SLC35D4: variants seen among roughly 807,000 people sequenced by gnomAD.
The protein encoded by SLC35D4 is UDP-N-acetylglucosamine transporter SLC35D4.
At chr18:23,352,833 G>C in the SLC35D4 span, among the ~76,000 whole-genome samples, 1 of 152,230 alleles carries the variant, frequency 6.6e-6, no homozygotes, top group Non-Finnish European at 1.5e-5. Context: ...TTTGGAAATG[G>C]TGCCTACACA....
At chr18:23,327,936 G>C in the SLC35D4 span, among the ~76,000 whole-genome samples, 1 of 152,156 alleles carries the variant, frequency 6.6e-6, no homozygotes, top group Admixed American at 6.5e-5. Flanking sequence ...CACATGAACA[G>C]AACTAACAAC....
chr18:23,302,154 C>T, the SLC35D4 span, among the ~76,000 whole-genome samples: 2 of 152,220 alleles, frequency 1.3e-5, no homozygotes, highest in South Asian at 2.1e-4. Flanking sequence ...CGCCAGCCAC[C>T]TGTCACTCGC....
the SLC35D4 span, among the ~76,000 whole-genome samples, chr18:23,435,990 C>A: frequency 6.6e-6 from 1 of 152,036 alleles, no homozygotes; most frequent in Non-Finnish European, 1.5e-5. Flanking sequence ...GCCACTGTGC[C>A]TGGCCAACAC....
At chr18:23,404,647 C>T in the SLC35D4 span, among the ~76,000 whole-genome samples, 1 of 148,678 alleles carries the variant, frequency 6.7e-6, no homozygotes, top group African/African-American at 2.5e-5. Context: ...CGAGATCACG[C>T]CATTGCACTC....
chr18:23,245,887 C>G, the SLC35D4 span, among the ~76,000 whole-genome samples: 1 of 152,246 alleles, frequency 6.6e-6, no homozygotes, highest in Non-Finnish European at 1.5e-5. Flanking sequence ...TAGAACCCCC[C>G]ATCCATCACA....
At chr18:23,266,920 C>T in the SLC35D4 span, among the ~76,000 whole-genome samples, 2 of 152,218 alleles carry the variant, frequency 1.3e-5, no homozygotes, top group South Asian at 2.1e-4. Flanking sequence ...ACTCCTGGTT[C>T]GCTGATGAGG....
chr18:23,301,186 T>G, the SLC35D4 span, among the ~76,000 whole-genome samples: 2 of 152,214 alleles, frequency 1.3e-5, no homozygotes, highest in African/African-American at 4.8e-5. Context: ...TGTCCCATGC[T>G]CCATTCCTTG....
the SLC35D4 span, among the ~76,000 whole-genome samples, chr18:23,407,810 G>GTACT: frequency 6.6e-6 from 1 of 152,180 alleles, no homozygotes; most frequent in Non-Finnish European, 1.5e-5. Context: ...GGATATGTAT[G>GTACT]TACTACTTGG....
At chr18:23,418,349 A>AATTATTATTATTATT in the SLC35D4 span, among the ~76,000 whole-genome samples, 331 of 142,576 alleles carry the variant, frequency 2.3e-3, 1 homozygote, top group Non-Finnish European at 3.0e-3. Context: ...GAGAAGCCAA[A>AATTATTATTATTATT]ATTATTATTA....
chr18:23,267,136 A>T, the SLC35D4 span, among the ~76,000 whole-genome samples: 1 of 152,164 alleles, frequency 6.6e-6, no homozygotes, highest in Non-Finnish European at 1.5e-5. Context: ...CCTGGCTGAA[A>T]ATGGGGCTGC....
At chr18:23,394,328 T>C in the SLC35D4 span, among the ~76,000 whole-genome samples, 1 of 152,242 alleles carries the variant, frequency 6.6e-6, no homozygotes, top group Non-Finnish European at 1.5e-5. Context: ...CCTCTTTTCA[T>C]GGATTTATCA....
At chr18:23,403,242 T>C in the SLC35D4 span, among the ~76,000 whole-genome samples, 5 of 152,254 alleles carry the variant, frequency 3.3e-5, no homozygotes, top group Non-Finnish European at 5.9e-5. Flanking sequence ...AAATACACTG[T>C]GTCACATGGG....
chr18:23,295,221 G>T, the SLC35D4 span, among the ~76,000 whole-genome samples: 325 of 151,630 alleles, frequency 2.1e-3, 1 homozygote, highest in African/African-American at 6.8e-3. Context: ...TCGGGGGGTG[G>T]GGAGGGAGGG....
chr18:23,365,749 ATAGT>A, the SLC35D4 span: 9 of 1,522,046 alleles, frequency 5.9e-6, no homozygotes, highest in East Asian at 9.1e-5. Context: ...TTACTTGGAA[ATAGT>A]TAAATATGCC....
chr18:23,366,236 G>T, the SLC35D4 span, among the ~76,000 whole-genome samples: 1 of 152,128 alleles, frequency 6.6e-6, no homozygotes, highest in Non-Finnish European at 1.5e-5. Flanking sequence ...CCTCTGATGT[G>T]AGCCCTGTTC....
At chr18:23,362,023 A>G in the SLC35D4 span, among the ~76,000 whole-genome samples, 1 of 152,240 alleles carries the variant, frequency 6.6e-6, no homozygotes, top group African/African-American at 2.4e-5. Context: ...AGCCTATTTC[A>G]AATTACTCCT....
At chr18:23,301,512 C>G in the SLC35D4 span, among the ~76,000 whole-genome samples, 5 of 152,160 alleles carry the variant, frequency 3.3e-5, no homozygotes, top group Non-Finnish European at 5.9e-5. Flanking sequence ...TCTAAAGACC[C>G]TCAGTGTTGG....
chr18:23,246,642 T>C, the SLC35D4 span, among the ~76,000 whole-genome samples: 300 of 151,786 alleles, frequency 2.0e-3, 5 homozygotes, highest in African/African-American at 4.5e-3. Flanking sequence ...CCGCCCACCT[T>C]GGCCTCCCAA....
the SLC35D4 span, chr18:23,310,174 T>A: frequency 1.0e-6 from 1 of 980,810 alleles, no homozygotes; most frequent in Non-Finnish European, 1.2e-6. Context: ...TAAAAACTTA[T>A]CTGTCACCCA....
Sources: gnomAD v4.1 joint callset for allele counts (sites outside exome capture counted in the v4.1 genomes callset) on GRCh38, gnomAD v4.1.1 for gene constraint, MANE v1.5 for transcripts, NCBI Gene and HGNC (gene_info 2026-07-23, HGNC 2026-07-21) for gene names.